ACVR1B: variants seen among roughly 807,000 people sequenced by gnomAD.
The protein encoded by ACVR1B is activin A receptor type 1B.
Under a neutral mutation model 55.6 loss-of-function variants are expected in ACVR1B, and 15 were observed. The observed-to-expected ratio is 0.27, with a 90% confidence interval of 0.18 to 0.42. The LOEUF is 0.42. Ranked by LOEUF, ACVR1B falls within the 10% of genes least tolerant of loss-of-function variation. The probability of loss-of-function intolerance (pLI) is 1.00; values close to 1 mark genes in which losing one functional copy is unlikely to be tolerated. For missense variants in ACVR1B, 359 were observed against 670.1 expected, an observed-to-expected ratio of 0.54 and a Z score of 5.13; for synonymous variants, 247 against 254.6, an observed-to-expected ratio of 0.97 and a Z score of 0.28.
chr12:51,985,303 C>G lies in ACVR1B; in HGVS notation c.1091C>G (p.Thr364Ser), dbSNP rs2120703372. 1.9e-6 allele frequency: 3 copies of G among 1,613,714 alleles called. No homozygotes were observed. The South Asian group carries it at 3.3e-5, about 18-fold the overall frequency. ...LGLAVRHDAV[T>S]DTIDIAPNQR... ...CTGGCTGTCCGTCATGATGCAGTCA[C>G]TGACACCATTGACATTGCCCCGAAT... is the stretch of plus-strand genomic sequence containing the variant. Residue 364 changes from threonine (T) to serine (S), a missense_variant, in exon 6 of 9, where the codon ACT becomes AGT. By Grantham distance (58) the Thr-to-Ser change is moderately conservative. Transcript: ENST00000257963.
At chr12:51,987,185 CT>C in intron 7 of ACVR1B, 1 of 692,614 alleles carries the variant, frequency 1.4e-6, no homozygotes. Flanking sequence ...GCTCGTTTGG[CT>C]TTATAAACAA....
chr12:51,992,120 G>T lies in ACVR1B; in HGVS notation c.1392+127G>T, dbSNP rs1029270595. 7.1e-6 allele frequency: 9 copies of T among 1,272,246 alleles called. No individual in the cohort carries two copies. In the Admixed American group the frequency reaches 1.1e-4, roughly 15 times the overall value. 78.8% of individuals were successfully genotyped at this position (1,272,246 alleles called of 1,614,324 possible). On this transcript the variant is annotated intron_variant, in intron 8 of 8. Transcript: ENST00000257963. ...AGTGTCAGTTATTATTTACTATTAC[G>T]TGCTATTTTACATATCCCAAGCCCT...
At chr12:51,993,765 TAAAAAAAAAAAAAAAAAAAAAA>T (rs869161100) in intron 8 of ACVR1B, among the ~76,000 whole-genome samples, 198 bp from the exon 9 acceptor site, 681 of 29,774 alleles carry the variant, frequency 0.023, 13 homozygotes, top group African/African-American at 0.052. Flanking sequence ...AGACTCCTTC[TAAAAAAAAAAAAAAAAAAAAAA>T]AAAAAAAAAA....
At chr12:51,989,699 C>T (rs1942151588) in intron 7 of ACVR1B, among the ~76,000 whole-genome samples, 1 of 152,090 alleles carries the variant, frequency 6.6e-6, no homozygotes, top group Non-Finnish European at 1.5e-5. Context: ...AAAAAATGAA[C>T]ATTAGGCCGG....
At chr12:51,957,790 T>C (rs141897471) in intron 1 of ACVR1B, among the ~76,000 whole-genome samples, 3 of 152,340 alleles carry the variant, frequency 2.0e-5, no homozygotes, top group African/African-American at 7.2e-5. Context: ...TATTAACTCA[T>C]GCCTGAACTA....
chr12:51,953,608 AAGGG>A (rs1941354285), intron 1 of ACVR1B: 1 of 793,040 alleles, frequency 1.3e-6, no homozygotes, highest in Non-Finnish European at 1.5e-6. Context: ...AAAAAAAAAA[AAGGG>A]AGATTGAACC....
intron 1 of ACVR1B, among the ~76,000 whole-genome samples, chr12:51,952,631 C>G (rs1019537199): frequency 3.3e-5 from 5 of 152,144 alleles, no homozygotes; most frequent in Non-Finnish European, 5.9e-5. Flanking sequence ...TTGCTTTCCT[C>G]CTCGCCTCCC....
At position 51,994,317 on chromosome 12, in the gene ACVR1B, G is replaced by C; in HGVS notation, c.*207G>C. ...CACCTTTTCTATTTACCTCCTAATGGCATGGAGACTCTGAGAGCGAATTGT... is the reference window on the plus strand; with the variant it reads ...CACCTTTTCTATTTACCTCCTAATGCCATGGAGACTCTGAGAGCGAATTGT... On this transcript the variant is annotated 3_prime_UTR_variant, in exon 9 of 9. Coordinates refer to ENST00000257963, the MANE Select transcript of ACVR1B (RefSeq NM_004302.5). This position sits in a 1 kb window ranked among gnomAD's most constrained non-coding sequence, Gnocchi z 4.2. The C allele has an allele frequency of 1.7e-6, 1 of 576,318 alleles. No homozygotes were observed. Among genetic ancestry groups the C allele is most frequent in the South Asian group, 2.1e-5 (1 of 48,326 alleles). The allele number at this position is 576,318 out of a possible 1,614,324, so 35.7% of individuals were successfully genotyped here. A position where few individuals can be genotyped will look rare whatever the true frequency, so the allele number is the denominator to read the frequency against.
intron 1 of ACVR1B, among the ~76,000 whole-genome samples, chr12:51,962,282 C>T (rs562963810): frequency 1.8e-4 from 28 of 152,156 alleles, no homozygotes; most frequent in Non-Finnish European, 3.2e-4. Flanking sequence ...GTGTTTCTCC[C>T]CACCCCCCAC....
chr12:51,985,310 C>G lies in ACVR1B; in HGVS notation c.1098C>G (p.Thr366=), dbSNP rs780112486. 1.2e-6 allele frequency: 2 copies of G among 1,613,334 alleles called. No individual in the cohort carries two copies. The highest frequency in any genetic ancestry group is 3.3e-5 in the Admixed American group (2 of 59,872). The stretch of plus-strand genomic sequence containing the variant: ...TCCGTCATGATGCAGTCACTGACAC[C>G]ATTGACATTGCCCCGAATCAGAGGG... The part of the protein sequence containing the change: ...LAVRHDAVTD[T]IDIAPNQRVG... The change falls in exon 6 of 9, where the codon ACC becomes ACG. Residue 366 remains threonine (T), a synonymous_variant. Transcript: ENST00000257963.
intron 7 of ACVR1B, among the ~76,000 whole-genome samples, chr12:51,990,534 T>C (rs1195999970): frequency 6.6e-6 from 1 of 151,644 alleles, no homozygotes; most frequent in East Asian, 2.0e-4. Context: ...CAGGCTGGTC[T>C]TGAACTCCTG....
rs371452504 is a variant in ACVR1B at position 51,976,586 on chromosome 12, C to T, written c.580+11C>T. ...CAGGGTCTGGCTCAGGTACCAAGTT[C>T]TTCAGGGCATCATGTCTGTGGTTGG... On this transcript the variant is annotated intron_variant, in intron 3 of 8. Coordinates refer to ENST00000257963, the MANE Select transcript of ACVR1B (RefSeq NM_004302.5). 2 of 1,611,842 alleles carry T rather than the reference C, an allele frequency of 1.2e-6. No homozygotes were observed. The highest frequency in any genetic ancestry group is 1.3e-5 in the African/African-American group (1 of 74,846).
Position 51,951,762 on chromosome 12 carries a change from G to T in ACVR1B, c.19G>T (p.Ala7Ser), listed in dbSNP as rs769911875. The T allele has an allele frequency of 2.3e-6, 3 of 1,286,664 alleles. No homozygotes were observed. The highest frequency in any genetic ancestry group is 2.9e-5 in the East Asian group (1 of 34,514). The allele number at this position is 1,286,664 out of a possible 1,614,324, so 79.7% of individuals were successfully genotyped here. A position where few individuals can be genotyped will look rare whatever the true frequency, so the allele number is the denominator to read the frequency against. The change falls in exon 1 of 9, where the codon GCC becomes TCC. Residue 7 changes from alanine to serine, a missense_variant. Ala to Ser is a moderately conservative substitution (Grantham distance 99, BLOSUM62 1). Transcript: ENST00000257963. The stretch of plus-strand genomic sequence containing the variant: ...GGTTACTATGGCGGAGTCGGCCGGA[G>T]CCTCCTCCTTCTTCCCCCTTGTTGT... MAESAG[A>S]SSFFPLVVLL...
chr12:51,964,870 G>A (rs1806400101), intron 1 of ACVR1B, among the ~76,000 whole-genome samples: 1 of 151,896 alleles, frequency 6.6e-6, no homozygotes, highest in African/African-American at 2.4e-5. Flanking sequence ...TTTGTTGTAA[G>A]CTTAAATCAA....
intron 1 of ACVR1B, among the ~76,000 whole-genome samples, chr12:51,969,787 G>A (rs111407257): frequency 1.7e-3 from 266 of 152,310 alleles, no homozygotes; most frequent in African/African-American, 5.2e-3. Flanking sequence ...AGGAGGCTGA[G>A]GCAGAAGGGA....
At position 51,994,263 on chromosome 12, in the gene ACVR1B, G is replaced by T; in HGVS notation, c.*153G>T. On this transcript the variant is annotated 3_prime_UTR_variant, in exon 9 of 9. Coordinates refer to ENST00000257963, the MANE Select transcript of ACVR1B (RefSeq NM_004302.5). The surrounding 1 kb of genome is among the most constrained non-coding windows in gnomAD (Gnocchi z 4.2). ...GAGGGACAGAGCCCGGGAGAGACTC[G>T]CTCACTCCCATGTTGGGTTTGAGAC... 1.9e-6 allele frequency: 2 copies of T among 1,054,892 alleles called. No individual in the cohort carries two copies. The highest frequency in any genetic ancestry group is 2.7e-6 in the Non-Finnish European group (2 of 737,926). The allele number at this position is 1,054,892 out of a possible 1,614,324, so 65.3% of individuals were successfully genotyped here.
At chr12:51,964,804 C>T (rs941998817) in intron 1 of ACVR1B, among the ~76,000 whole-genome samples, 7 of 152,186 alleles carry the variant, frequency 4.6e-5, no homozygotes, top group East Asian at 1.9e-4. Flanking sequence ...ATTCTCAATT[C>T]GGTTCTGTTG....
At chr12:51,968,427 G>T (rs1941682807) in intron 1 of ACVR1B, among the ~76,000 whole-genome samples, 1 of 152,154 alleles carries the variant, frequency 6.6e-6, no homozygotes, top group South Asian at 2.1e-4. Context: ...ATAAATATAT[G>T]GGACGTTTTA....
At chr12:51,976,061 G>C (rs1941845371) in intron 2 of ACVR1B, among the ~76,000 whole-genome samples, 2 of 152,204 alleles carry the variant, frequency 1.3e-5, no homozygotes, top group South Asian at 4.1e-4. Context: ...GTAGGGGCCT[G>C]AGGCGGGGAT....
Sources: allele counts gnomAD v4.1 joint callset (sites outside exome capture counted in the v4.1 genomes callset), GRCh38; gene constraint gnomAD v4.1.1; non-coding constraint Gnocchi (gnomAD v3.1); transcripts MANE v1.5; gene names NCBI Gene and HGNC (gene_info 2026-07-23, HGNC 2026-07-21).